Variants in GALNTL6 observed in about 807,000 individuals in gnomAD.
The protein encoded by GALNTL6 is polypeptide N-acetylgalactosaminyltransferase-like 6.
GALNTL6 carries 46 observed loss-of-function variants against 73.7 expected under a neutral mutation model. That is an observed-to-expected ratio of 0.62 (90% CI 0.49 to 0.80). GALNTL6 has a LOEUF of 0.80. Ranked by LOEUF, GALNTL6 falls within the 30% of genes least tolerant of loss-of-function variation. GALNTL6 has a pLI of 0.00. For missense variants in GALNTL6, 604 were observed against 755.0 expected, an observed-to-expected ratio of 0.80 and a Z score of 2.34; for synonymous variants, 259 against 263.7, an observed-to-expected ratio of 0.98 and a Z score of 0.17.
chr4:172,833,141 C>T (rs1742730428), intron 7 of GALNTL6, among the ~76,000 whole-genome samples: 1 of 152,056 alleles, frequency 6.6e-6, no homozygotes, highest in Admixed American at 6.5e-5. Context: ...TCCGGGATGA[C>T]CCAATAATAA....
chr4:172,170,219 G>A (rs538919852), intron 2 of GALNTL6, among the ~76,000 whole-genome samples: 31 of 152,258 alleles, frequency 2.0e-4, no homozygotes, highest in Non-Finnish European at 3.4e-4. Flanking sequence ...TAATCCCCAC[G>A]TGTCAAGGGA....
chr4:172,405,123 C>T (rs1365761631), intron 5 of GALNTL6, among the ~76,000 whole-genome samples: 1 of 151,690 alleles, frequency 6.6e-6, no homozygotes, highest in Non-Finnish European at 1.5e-5. Context: ...TGAAATGATT[C>T]GGAAAGCCTT....
At chr4:172,460,090 GA>G (rs2111440857) in intron 5 of GALNTL6, among the ~76,000 whole-genome samples, 1 of 152,240 alleles carries the variant, frequency 6.6e-6, no homozygotes, top group South Asian at 2.1e-4. Context: ...TCTGATCTTT[GA>G]CAAACCTGAC....
chr4:172,202,152 A>C (rs1005600178), intron 2 of GALNTL6, among the ~76,000 whole-genome samples: 1 of 152,216 alleles, frequency 6.6e-6, no homozygotes, highest in Non-Finnish European at 1.5e-5. Flanking sequence ...CTATACTCAC[A>C]GTTCCTCAAA....
Position 172,150,246 on chromosome 4 carries a change from T to C in GALNTL6, c.139-79410T>C. On this transcript the variant is annotated intron_variant, in intron 2 of 12. Transcript: ENST00000506823. The stretch of plus-strand genomic sequence containing the variant: ...AGCCTTGCATACTCAATGTCTGCTA[T>C]AAATATAATTATTTTATAAGTTTAT... Among the ~76,000 whole-genome samples, 2 of 152,256 alleles carry C rather than the reference T, an allele frequency of 1.3e-5. 1 individual carries two copies. Among genetic ancestry groups the C allele is most frequent in the Non-Finnish European group, 2.9e-5 (2 of 68,046 alleles).
intron 2 of GALNTL6, among the ~76,000 whole-genome samples, chr4:171,883,484 G>A (rs1736515968): frequency 1.3e-5 from 2 of 152,166 alleles, no homozygotes; most frequent in South Asian, 4.1e-4. Context: ...TGTGCGATTT[G>A]CCTGCTGATA....
chr4:172,267,577 C>G (rs888500143), intron 3 of GALNTL6, among the ~76,000 whole-genome samples: 4 of 152,048 alleles, frequency 2.6e-5, no homozygotes, highest in Non-Finnish European at 5.9e-5. Context: ...GAGCTAGAAT[C>G]TATTTCTTTC....
Position 172,900,850 on chromosome 4 carries a change from T to G in GALNTL6, c.1041+17943T>G, listed in dbSNP as rs139317392. On this transcript the variant is annotated intron_variant, in intron 8 of 12. Coordinates refer to ENST00000506823, the MANE Select transcript of GALNTL6 (RefSeq NM_001034845.3). ...AACTGGTTGGTGGATAAAGTTGCTA[T>G]TGAAAATCTGGAGAGTTTGCAAAAT... Among the ~76,000 whole-genome samples, 592 of 152,308 alleles carry G rather than the reference T, an allele frequency of 3.9e-3. 3 individuals carry two copies. Among genetic ancestry groups the G allele is most frequent in the African/African-American group, 0.014 (566 of 41,568 alleles).
rs199862294 is a variant in GALNTL6 at position 172,824,374 on chromosome 4, GTGAGTGTGTGTGTGTGTGTGTT to G, written c.923+10654_923+10675del. Among the ~76,000 whole-genome samples the G allele has an allele frequency of 2.3e-3, 195 of 85,282 alleles. 1 individual carries two copies. The South Asian group carries it at 0.035, about 15-fold the overall frequency. 55.9% of individuals were successfully genotyped at this position (85,282 alleles called of 152,430 possible). A position where few individuals can be genotyped will look rare whatever the true frequency, so the allele number is the denominator to read the frequency against. On this transcript the variant is annotated intron_variant, in intron 7 of 12. Transcript: ENST00000506823. The stretch of plus-strand genomic sequence containing the variant: ...CTTCCATGGTATAGTGTGTGTGTGT[GTGAGTGTGTGTGTGTGTGTGTT>G]TGTGTGTGTGTGTTCATGTGTGTGT...
At chr4:172,036,456 A>AT (rs1252401414) in intron 2 of GALNTL6, among the ~76,000 whole-genome samples, 1 of 152,126 alleles carries the variant, frequency 6.6e-6, no homozygotes, top group Non-Finnish European at 1.5e-5. Context: ...ATCTCATTGT[A>AT]TTCTCCCAAA....
chr4:172,142,007 A>G (rs532212145), intron 2 of GALNTL6, among the ~76,000 whole-genome samples: 2 of 152,108 alleles, frequency 1.3e-5, no homozygotes, highest in South Asian at 4.1e-4. Flanking sequence ...CAGTGTACAC[A>G]CACAAAAATT....
Position 172,510,410 on chromosome 4 carries a change from T to C in GALNTL6, c.553+161721T>C, listed in dbSNP as rs1376017235. Among the ~76,000 whole-genome samples, 9 of 54,856 alleles carry C rather than the reference T, an allele frequency of 1.6e-4. 4 individuals are homozygous for C. Among genetic ancestry groups the C allele is most frequent in the African/African-American group, 4.1e-4 (9 of 21,972 alleles). The allele number at this position is 54,856 out of a possible 152,430, so 36.0% of individuals were successfully genotyped here. A position where few individuals can be genotyped will look rare whatever the true frequency, so the allele number is the denominator to read the frequency against. On this transcript the variant is annotated intron_variant, in intron 5 of 12. Transcript: ENST00000506823. ...TGATCAGTGACAGTTTGATTTCTTC[T>C]TTGCTGATTTGGATGTCATTATTTC...
chr4:172,182,013 G>A (rs951320588), intron 2 of GALNTL6, among the ~76,000 whole-genome samples: 8 of 151,994 alleles, frequency 5.3e-5, no homozygotes, highest in South Asian at 2.1e-4. Flanking sequence ...CACCGCGCCC[G>A]GCCTTCAGCC....
At chr4:172,447,926 G>C (rs145714211) in intron 5 of GALNTL6, among the ~76,000 whole-genome samples, 2 of 152,210 alleles carry the variant, frequency 1.3e-5, no homozygotes, top group Admixed American at 6.5e-5. Context: ...TTGCAAGTAA[G>C]TTATTTTGAA....
chr4:172,632,986 T>C (rs991768242), intron 5 of GALNTL6, among the ~76,000 whole-genome samples: 2 of 152,220 alleles, frequency 1.3e-5, no homozygotes, highest in Non-Finnish European at 2.9e-5. Context: ...AAGTCAAGAA[T>C]TGAGGTTTGG....
At chr4:172,416,704 T>C (rs974607649) in intron 5 of GALNTL6, among the ~76,000 whole-genome samples, 20 of 152,272 alleles carry the variant, frequency 1.3e-4, no homozygotes, top group Non-Finnish European at 1.5e-4. Context: ...TGAACATTTT[T>C]TCCTGTAATG....
chr4:172,735,154 A>T (rs936336231), intron 5 of GALNTL6, among the ~76,000 whole-genome samples: 1 of 152,124 alleles, frequency 6.6e-6, no homozygotes, highest in African/African-American at 2.4e-5. Context: ...GACAGCTTGC[A>T]CTATGCACCT....
chr4:172,405,568 G>A (rs1009770822), intron 5 of GALNTL6, among the ~76,000 whole-genome samples: 2 of 150,732 alleles, frequency 1.3e-5, no homozygotes, highest in African/African-American at 4.9e-5. Context: ...ACATCCTAAT[G>A]TCTAGGGTTT....
chr4:172,927,865 A>G (rs140640404), intron 8 of GALNTL6, among the ~76,000 whole-genome samples: 1 of 152,272 alleles, frequency 6.6e-6, no homozygotes, highest in East Asian at 1.9e-4. Flanking sequence ...TACTGGTCTA[A>G]GAATTCATAA....
Sources: allele counts gnomAD v4.1 joint callset (sites outside exome capture counted in the v4.1 genomes callset), GRCh38; gene constraint gnomAD v4.1.1; transcripts MANE v1.5; gene names NCBI Gene and HGNC (gene_info 2026-07-23, HGNC 2026-07-21).